FGF14: variants seen among roughly 807,000 people sequenced by gnomAD.
FGF14 encodes the protein fibroblast growth factor 14, also known as fibroblast growth factor homologous factor 4.
Under a neutral mutation model 25.5 loss-of-function variants are expected in FGF14, and 5 were observed. The ratio of observed to expected loss-of-function variants is 0.20; its 90% CI spans 0.10 to 0.41. The LOEUF is 0.41. Among genes scored for constraint, FGF14 ranks in the 10% least tolerant of loss-of-function variants. FGF14 has a pLI of 1.00. For missense variants in FGF14, 222 were observed against 320.1 expected, an observed-to-expected ratio of 0.69 and a Z score of 2.34; for synonymous variants, 138 against 118.3, an observed-to-expected ratio of 1.17 and a Z score of -1.08.
At chr13:102,319,781 C>T (rs1445444079) in intron 1 of FGF14, among the ~76,000 whole-genome samples, 1 of 152,090 alleles carries the variant, frequency 6.6e-6, no homozygotes, top group African/African-American at 2.4e-5. Flanking sequence ...AGCACCTGGG[C>T]ACTAGCTAAG....
intron 1 of FGF14, among the ~76,000 whole-genome samples, chr13:102,269,364 T>C (rs2053140151): frequency 6.6e-6 from 1 of 152,192 alleles, no homozygotes. Flanking sequence ...AAAAGCATAA[T>C]TCTGCTTTTA....
intron 1 of FGF14, among the ~76,000 whole-genome samples, chr13:101,996,595 C>T (rs1432595285): frequency 3.9e-5 from 6 of 152,080 alleles, no homozygotes; most frequent in African/African-American, 1.4e-4. Flanking sequence ...GAAATCTTGT[C>T]CCTGAAATGG....
intron 3 of FGF14, among the ~76,000 whole-genome samples, chr13:101,861,336 T>C (rs1187162021): frequency 1.3e-5 from 2 of 152,014 alleles, no homozygotes; most frequent in Non-Finnish European, 2.9e-5. Context: ...AGCATCTTAC[T>C]CCATCCACCC....
chr13:101,758,588 G>A (rs1312559938), intron 3 of FGF14, among the ~76,000 whole-genome samples: 1 of 152,120 alleles, frequency 6.6e-6, no homozygotes, highest in Non-Finnish European at 1.5e-5. Context: ...TAACCATAAA[G>A]ACACAATAAC....
In FGF14 at chr13:102,354,891, AAGACCTAGTTTG is replaced by A. The variant is rs373729487; in HGVS notation, c.208+46568_208+46579del. Among the ~76,000 whole-genome samples the A allele has an allele frequency of 8.5e-3, 1,297 of 152,208 alleles. 16 individuals are homozygous for A. Among genetic ancestry groups the A allele is most frequent in the African/African-American group, 0.03 (1,227 of 41,526 alleles). On this transcript the variant is annotated intron_variant, in intron 1 of 4. Coordinates refer to the FGF14 transcript ENST00000376131. ...ATTTGGTAAAATCTGTTCATCCCTC[AAGACCTAGTTTG>A]AGTTACCTTATTTGTAAAAACTTCC...
chr13:102,015,407 ATAG>A (rs370429619), intron 1 of FGF14, among the ~76,000 whole-genome samples: 12 of 152,226 alleles, frequency 7.9e-5, no homozygotes, highest in African/African-American at 2.2e-4. Flanking sequence ...CAAAAGATCC[ATAG>A]TAGAAGAATG....
chr13:101,908,332 G>A (rs1489488907), intron 1 of FGF14, among the ~76,000 whole-genome samples: 1 of 152,088 alleles, frequency 6.6e-6, no homozygotes, highest in Non-Finnish European at 1.5e-5. Context: ...AGCTATGCAA[G>A]CTTTTTATTT....
At chr13:102,124,441 A>G (rs1457532891) in intron 1 of FGF14, among the ~76,000 whole-genome samples, 1 of 152,156 alleles carries the variant, frequency 6.6e-6, no homozygotes, top group African/African-American at 2.4e-5. Context: ...GCAAAAGTAC[A>G]AGACAATGGA....
intron 1 of FGF14, among the ~76,000 whole-genome samples, chr13:102,034,447 G>A (rs528344681): frequency 3.9e-5 from 6 of 152,074 alleles, no homozygotes; most frequent in African/African-American, 9.7e-5. Flanking sequence ...AGCATCGGTC[G>A]CTGCCATCTA....
chr13:102,171,114 CAT>C (rs1475510139), intron 1 of FGF14, among the ~76,000 whole-genome samples: 1 of 152,090 alleles, frequency 6.6e-6, no homozygotes, highest in Non-Finnish European at 1.5e-5. Flanking sequence ...GAGATATAAA[CAT>C]ATAATATTTG....
chr13:102,227,612 C>T (rs768203884), intron 1 of FGF14, among the ~76,000 whole-genome samples: 14 of 152,086 alleles, frequency 9.2e-5, no homozygotes, highest in East Asian at 3.8e-4. Flanking sequence ...CTCTATGCAA[C>T]GTCAGTCATA....
chr13:102,065,554 G>T (rs978542164), intron 1 of FGF14, among the ~76,000 whole-genome samples: 1 of 152,012 alleles, frequency 6.6e-6, no homozygotes, highest in Admixed American at 6.5e-5. Flanking sequence ...GCAAAAAATA[G>T]GATGCACCTC....
At chr13:102,171,456 A>T (rs553898750) in intron 1 of FGF14, among the ~76,000 whole-genome samples, 2 of 152,326 alleles carry the variant, frequency 1.3e-5, no homozygotes, top group African/African-American at 4.8e-5. Flanking sequence ...GTATAAAAGG[A>T]AGTCTCTCCC....
chr13:102,141,070 T>A (rs1423359501), intron 1 of FGF14, among the ~76,000 whole-genome samples: 3 of 152,194 alleles, frequency 2.0e-5, no homozygotes, highest in Non-Finnish European at 4.4e-5. Flanking sequence ...CTACCAATAG[T>A]TTTTCAGAAA....
rs2034616990 is a variant in FGF14, at chr13:101,714,318, A to G, written c.*8513T>C. Reference sequence around the variant, plus strand: ...CTCTGAGAAACCAGCCATTCAATACACTTTTACCTTTGGATGATGGGTTAT... The same window carrying G: ...CTCTGAGAAACCAGCCATTCAATACGCTTTTACCTTTGGATGATGGGTTAT... On this transcript the variant is annotated 3_prime_UTR_variant, in exon 5 of 5. Coordinates refer to ENST00000376143, the MANE Select transcript of FGF14 (RefSeq NM_004115.4). 1.4e-6 allele frequency: 1 copy of G among 702,268 alleles called. No individual in the cohort carries two copies. Among genetic ancestry groups the G allele is most frequent in the East Asian group, 2.5e-5 (1 of 40,290 alleles). 43.5% of individuals were successfully genotyped at this position (702,268 alleles called of 1,614,324 possible). A position where few individuals can be genotyped will look rare whatever the true frequency, so the allele number is the denominator to read the frequency against.
chr13:102,111,392 G>C (rs1429416471), intron 1 of FGF14, among the ~76,000 whole-genome samples: 2 of 152,134 alleles, frequency 1.3e-5, no homozygotes, highest in African/African-American at 4.8e-5. Flanking sequence ...TGCAATACTA[G>C]CAATTGTTGA....
intron 3 of FGF14, among the ~76,000 whole-genome samples, chr13:101,793,764 T>C (rs1201316819): frequency 6.6e-6 from 1 of 152,086 alleles, no homozygotes; most frequent in African/African-American, 2.4e-5. Flanking sequence ...ATTCACTCAT[T>C]GACGCACCTG....
intron 1 of FGF14, among the ~76,000 whole-genome samples, chr13:102,355,732 G>A (rs1409377011): frequency 6.6e-6 from 1 of 151,762 alleles, no homozygotes; most frequent in Non-Finnish European, 1.5e-5. Flanking sequence ...ACCGTAGTTT[G>A]TGTCTTCATA....
At chr13:102,158,066 G>A (rs1220734244) in intron 1 of FGF14, among the ~76,000 whole-genome samples, 2 of 152,206 alleles carry the variant, frequency 1.3e-5, no homozygotes, top group Non-Finnish European at 2.9e-5. Flanking sequence ...CTTTTACACT[G>A]TTGGTGGGAC....
Sources: allele counts gnomAD v4.1 joint callset (sites outside exome capture counted in the v4.1 genomes callset), GRCh38; gene constraint gnomAD v4.1.1; transcripts MANE v1.5; gene names NCBI Gene and HGNC (gene_info 2026-07-23, HGNC 2026-07-21).